The following PACSIN2 variants were observed in gnomAD, a reference collection of about 807,000 sequenced individuals.
PACSIN2 encodes protein kinase C and casein kinase substrate in neurons 2.
A neutral mutation model predicts 63.8 loss-of-function variants in PACSIN2; 25 were observed. The ratio of observed to expected loss-of-function variants is 0.39; its 90% confidence interval spans 0.29 to 0.55. The LOEUF is 0.55. Among genes scored for constraint, PACSIN2 ranks in the 20% least tolerant of loss-of-function variants. The pLI is 0.62. For missense variants in PACSIN2, 518 were observed against 646.9 expected (o/e 0.80, Z 2.16); for synonymous variants, 255 against 256.2 (o/e 1.00, Z 0.05).
Position 42,962,784 on chromosome 22 carries a change from G to C in PACSIN2, c.-77-50627C>G, listed in dbSNP as rs981610180. Among the ~76,000 whole-genome samples the C allele has an allele frequency of 6.0e-5, 8 of 133,108 alleles. 1 individual carries two copies. The highest frequency in any genetic ancestry group is 9.6e-5 in the Non-Finnish European group (6 of 62,792). The allele number at this position is 133,108 out of a possible 152,430, so 87.3% of individuals were successfully genotyped here. A position where few individuals can be genotyped will look rare whatever the true frequency, so the allele number is the denominator to read the frequency against. On this transcript the variant is annotated intron_variant, in intron 1 of 10. Transcript: ENST00000263246. ...AAGAGCAAGGTGTGGGCGGGGGGGG[G>C]GGGCGGCGCAGAAAAAGAAAACTGA...
At chr22:42,905,428 C>A (rs1931006134) in intron 2 of PACSIN2, among the ~76,000 whole-genome samples, 2 of 152,244 alleles carry the variant, frequency 1.3e-5, no homozygotes, top group African/African-American at 4.8e-5. Context: ...TGACCTCAGA[C>A]AAAATAAACT....
chr22:42,927,509 A>G (rs1037744625), intron 1 of PACSIN2, among the ~76,000 whole-genome samples: 1 of 152,082 alleles, frequency 6.6e-6, no homozygotes, highest in Non-Finnish European at 1.5e-5. Context: ...TTGGCCTCCC[A>G]AAGTGCTGGG....
chr22:42,987,239 A>C (rs1922678726), intron 1 of PACSIN2, among the ~76,000 whole-genome samples: 1 of 152,074 alleles, frequency 6.6e-6, no homozygotes, highest in East Asian at 1.9e-4. Context: ...CATTTCATTT[A>C]TGTGTAAAAA....
chr22:42,963,772 G>T (rs909491394), intron 1 of PACSIN2, among the ~76,000 whole-genome samples: 2 of 152,046 alleles, frequency 1.3e-5, no homozygotes, highest in African/African-American at 4.8e-5. Flanking sequence ...TGCCTCCCAT[G>T]GAACGGGACC....
chr22:42,987,002 C>T (rs995272031), intron 1 of PACSIN2, among the ~76,000 whole-genome samples: 2 of 151,252 alleles, frequency 1.3e-5, no homozygotes, highest in Non-Finnish European at 3.0e-5. Flanking sequence ...ATAGATACTC[C>T]ATTCCCACTG....
intron 1 of PACSIN2, among the ~76,000 whole-genome samples, chr22:42,947,666 C>G (rs1262413416): frequency 7.0e-6 from 1 of 143,872 alleles, no homozygotes; most frequent in African/African-American, 2.7e-5. Context: ...TTCACAAGAC[C>G]CCTGGGGGTG....
chr22:42,912,436 A>AC (rs1181836077), intron 1 of PACSIN2, among the ~76,000 whole-genome samples: 1 of 152,186 alleles, frequency 6.6e-6, no homozygotes, highest in African/African-American at 2.4e-5. Context: ...GACCTACTCT[A>AC]CCTAACTGGT....
chr22:42,986,574 C>A (rs1486260003), intron 1 of PACSIN2, among the ~76,000 whole-genome samples: 3 of 152,146 alleles, frequency 2.0e-5, no homozygotes, highest in African/African-American at 7.2e-5. Flanking sequence ...AGTGCACATG[C>A]ATGACAGTGA....
chr22:42,995,871 C>G (rs1490929608), intron 1 of PACSIN2, among the ~76,000 whole-genome samples: 3 of 152,130 alleles, frequency 2.0e-5, no homozygotes. Flanking sequence ...CAAGACCAGC[C>G]TGGGCAACAC....
chr22:42,980,375 C>G (rs1406547737), intron 1 of PACSIN2, among the ~76,000 whole-genome samples: 1 of 152,064 alleles, frequency 6.6e-6, no homozygotes, highest in African/African-American at 2.4e-5. Flanking sequence ...ACTAGCTTGT[C>G]ATGGTCATTA....
chr22:42,898,080 G>A (rs973592989), intron 2 of PACSIN2, among the ~76,000 whole-genome samples: 1 of 152,096 alleles, frequency 6.6e-6, no homozygotes, highest in Non-Finnish European at 1.5e-5. Context: ...AGAATTGAGA[G>A]CAGCCTCCAG....
intron 1 of PACSIN2, among the ~76,000 whole-genome samples, chr22:42,920,178 G>A (rs1019641969): frequency 6.6e-6 from 1 of 152,066 alleles, no homozygotes; most frequent in Non-Finnish European, 1.5e-5. Flanking sequence ...CTCCAATACC[G>A]GAATTCAATG....
chr22:42,989,851 T>TG (rs1922893020), intron 1 of PACSIN2, among the ~76,000 whole-genome samples: 1 of 129,002 alleles, frequency 7.8e-6, no homozygotes, highest in South Asian at 2.3e-4. Context: ...CTCATTCTCT[T>TG]GGAGGGGGAA....
intron 2 of PACSIN2, among the ~76,000 whole-genome samples, 169 bp downstream of exon 2, chr22:42,911,852 A>T (rs1005452383): frequency 2.4e-4 from 37 of 152,358 alleles, no homozygotes; most frequent in African/African-American, 8.9e-4. Context: ...AACTGCCTAA[A>T]AACAAGTGTC....
intron 1 of PACSIN2, among the ~76,000 whole-genome samples, chr22:42,915,969 C>T (rs1445729444): frequency 6.6e-6 from 1 of 152,220 alleles, no homozygotes; most frequent in East Asian, 1.9e-4. Context: ...ATGAAAGTCT[C>T]CTGCCCAAAG....
intron 2 of PACSIN2, among the ~76,000 whole-genome samples, chr22:42,895,315 C>T (rs1005906454): frequency 5.3e-5 from 8 of 152,282 alleles, no homozygotes; most frequent in South Asian, 4.1e-4. Flanking sequence ...GAAAAAAATA[C>T]CCAACAAGCA....
At chr22:42,904,813 C>T (rs1187118398) in intron 2 of PACSIN2, among the ~76,000 whole-genome samples, 1 of 152,188 alleles carries the variant, frequency 6.6e-6, no homozygotes. Context: ...CCCTACCAGT[C>T]CCCACTAGTG....
intron 1 of PACSIN2, among the ~76,000 whole-genome samples, chr22:42,983,678 T>C (rs1922405194): frequency 6.6e-6 from 1 of 152,154 alleles, no homozygotes; most frequent in Non-Finnish European, 1.5e-5. Flanking sequence ...CCCAGGCTGG[T>C]CTTGAACTCC....
At chr22:42,961,148 A>C (rs917103145) in intron 1 of PACSIN2, among the ~76,000 whole-genome samples, 11 of 152,250 alleles carry the variant, frequency 7.2e-5, no homozygotes, top group Non-Finnish European at 1.5e-4. Context: ...ACATACTGCA[A>C]GGGGAAACTG....
Sources: gnomAD v4.1 joint callset for allele counts (sites outside exome capture counted in the v4.1 genomes callset) on GRCh38, gnomAD v4.1.1 for gene constraint, MANE v1.5 for transcripts, NCBI Gene and HGNC (gene_info 2026-07-23, HGNC 2026-07-21) for gene names.